OSBPL1A: variants seen among roughly 807,000 people sequenced by gnomAD.
The protein encoded by OSBPL1A is oxysterol-binding protein-related protein 1.
OSBPL1A carries 80 observed loss-of-function variants against 137.1 expected under a neutral mutation model. That is an observed-to-expected ratio of 0.58 (90% CI 0.49 to 0.70). OSBPL1A has a LOEUF of 0.70. Ranked by LOEUF, OSBPL1A falls within the 30% of genes least tolerant of loss-of-function variation. The pLI is 0.00. For synonymous variants in OSBPL1A, 365 were observed against 389.7 expected (o/e 0.94, Z 0.75); for missense variants, 970 against 1,129.4 (o/e 0.86, Z 2.02).
chr18:24,334,647 G>T (rs933709364), intron 5 of OSBPL1A, among the ~76,000 whole-genome samples: 14 of 152,182 alleles, frequency 9.2e-5, no homozygotes, highest in African/African-American at 3.4e-4. Context: ...GGTAAGTGGG[G>T]TTCATACCTT....
At position 24,366,923 on chromosome 18, in the gene OSBPL1A, G is replaced by A. The variant is rs574476197; in HGVS notation, c.251C>T (p.Pro84Leu). Reference sequence around the variant, plus strand: ...TCCTGTAAAGGCAGCTCGATGAAGCGGCGTGTCTCCCATGTCATTCAACAC... The same window carrying A: ...TCCTGTAAAGGCAGCTCGATGAAGCAGCGTGTCTCCCATGTCATTCAACAC... ...VNVLNDMGDT[P>L]LHRAAFTGRK... Residue 84 changes from proline to leucine, a missense_variant, in exon 4 of 28, where the codon CCG becomes CTG. Around this residue, in one of 2 missense-constraint regions of OSBPL1A, gnomAD observed 647 missense variants for 672.6 expected, o/e 0.96. Coordinates refer to ENST00000319481, the MANE Select transcript of OSBPL1A (RefSeq NM_080597.4). 8.1e-6 allele frequency: 13 copies of A among 1,611,352 alleles called. No individual in the cohort carries two copies. The Admixed American group carries it at 1.0e-4, about 12-fold the overall frequency.
Position 24,377,415 on chromosome 18 carries a change from T to C in OSBPL1A, c.119A>G (p.Lys40Arg). 1 of 1,604,910 alleles carries C rather than the reference T, an allele frequency of 6.2e-7. No individual in the cohort carries two copies. Residue 40 changes from lysine to arginine, a missense_variant and splice_region_variant, in exon 2 of 28, where the codon AAA becomes AGA. Physicochemically the swap from Lys to Arg is conservative, Grantham distance 26. Around this residue, in one of 2 missense-constraint regions of OSBPL1A, gnomAD observed 647 missense variants for 672.6 expected, o/e 0.96. Coordinates refer to ENST00000319481, the MANE Select transcript of OSBPL1A (RefSeq NM_080597.4). ...RNEVIADINC[K>R]GRSKSNLGWT... ...TACAAAATCCATTCAAAGTTTACCT[T>C]TGCAATTAATGTCAGCAATCACTTC...
At chr18:24,354,770 A>AAG (rs2091503458) in intron 4 of OSBPL1A, among the ~76,000 whole-genome samples, 1 of 148,724 alleles carries the variant, frequency 6.7e-6, no homozygotes, top group South Asian at 2.1e-4. Context: ...AAAAAAAAAA[A>AAG]AAAGAAAGAA....
rs1411352161 is a variant in OSBPL1A at position 24,239,371 on chromosome 18, A to G, written c.1293T>C (p.Phe431=). 1.1e-5 allele frequency: 18 copies of G among 1,613,574 alleles called. No individual in the cohort carries two copies. The highest frequency in any genetic ancestry group is 1.5e-5 in the Non-Finnish European group (18 of 1,179,826). ...LFTKQEGVRN[F]KLEQEQEKNK... ...TTTTTTCTTGCTCTTGTTCCAATTT[A>G]AAATTCCTCACCTAGAAGAAAACAG... Residue 431 remains phenylalanine (F), a synonymous_variant, in exon 16 of 28, where the codon TTT becomes TTC. Transcript: ENST00000319481.
chr18:24,187,584 T>C (rs1347555513), intron 18 of OSBPL1A, among the ~76,000 whole-genome samples: 1 of 152,158 alleles, frequency 6.6e-6, no homozygotes. Flanking sequence ...GATGAATTCA[T>C]TCATATAAAG....
chr18:24,260,230 G>A (rs553279636), intron 15 of OSBPL1A, among the ~76,000 whole-genome samples: 50 of 152,234 alleles, frequency 3.3e-4, no homozygotes, highest in Admixed American at 1.0e-3. Flanking sequence ...AATGTAAAAC[G>A]TCAGCCACTG....
At chr18:24,359,919 A>G (rs2091596224) in intron 4 of OSBPL1A, among the ~76,000 whole-genome samples, 1 of 152,126 alleles carries the variant, frequency 6.6e-6, no homozygotes, top group African/African-American at 2.4e-5. Context: ...ATGTACCAAG[A>G]AAAGCCCAAA....
intron 4 of OSBPL1A, among the ~76,000 whole-genome samples, chr18:24,356,622 T>G (rs1042565238): frequency 4.6e-5 from 7 of 152,178 alleles, no homozygotes; most frequent in African/African-American, 1.7e-4. Flanking sequence ...CACACTTAGT[T>G]GTTGGTACAA....
rs922966188 is a variant in OSBPL1A at position 24,392,516 on chromosome 18, C to T, written c.-3+5139G>A. On this transcript the variant is annotated intron_variant, in intron 1 of 27. Transcript: ENST00000319481. Reference sequence around the variant, plus strand: ...CAAAAATTATTAAAAATATATGTTGCGATTAGTTTTTAAATTCTCAGATAC... The same window carrying T: ...CAAAAATTATTAAAAATATATGTTGTGATTAGTTTTTAAATTCTCAGATAC... Among the ~76,000 whole-genome samples the T allele has an allele frequency of 2.0e-4, 30 of 151,850 alleles. 1 individual carries two copies. Among genetic ancestry groups the T allele is most frequent in the African/African-American group, 6.8e-4 (28 of 41,316 alleles).
intron 15 of OSBPL1A, among the ~76,000 whole-genome samples, chr18:24,278,989 G>A (rs756790381): frequency 1.3e-5 from 2 of 152,096 alleles, no homozygotes; most frequent in African/African-American, 2.4e-5. Context: ...GTTTTCCTGT[G>A]ATAGTTAATA....
At chr18:24,338,839 G>A (rs2091225893) in intron 5 of OSBPL1A, among the ~76,000 whole-genome samples, 1 of 151,958 alleles carries the variant, frequency 6.6e-6, no homozygotes, top group South Asian at 2.1e-4. Flanking sequence ...TCACCCTCCT[G>A]AGTAGCTGGG....
intron 1 of OSBPL1A, among the ~76,000 whole-genome samples, chr18:24,384,991 G>C (rs1906853632): frequency 6.8e-6 from 1 of 146,930 alleles, no homozygotes; most frequent in South Asian, 2.1e-4. Context: ...GTCTTGCTCT[G>C]TTGGCCAGGC....
Position 24,320,451 on chromosome 18 carries a change from G to C in OSBPL1A, c.626-1642C>G, listed in dbSNP as rs76520595. On this transcript the variant is annotated intron_variant, in intron 7 of 27. Coordinates refer to ENST00000319481, the MANE Select transcript of OSBPL1A (RefSeq NM_080597.4). ...GGCCTCTTTGAGGAAGGGATGTCTA[G>C]GTTGAAAAGAAGGATCCAGCCTTGT... is the stretch of plus-strand genomic sequence containing the variant. Among the ~76,000 whole-genome samples the C allele has an allele frequency of 7.4e-3, 1,126 of 152,248 alleles. 20 individuals carry two copies. The highest frequency in any genetic ancestry group is 0.025 in the African/African-American group (1,057 of 41,536).
At chr18:24,250,927 A>G (rs2089069048) in intron 15 of OSBPL1A, among the ~76,000 whole-genome samples, 1 of 152,160 alleles carries the variant, frequency 6.6e-6, no homozygotes, top group South Asian at 2.1e-4. Context: ...AAGCTGATGA[A>G]AGAGCCCTTG....
In OSBPL1A at chr18:24,311,984, C is replaced by G. The variant is rs764999757; in HGVS notation, c.1092G>C (p.Glu364Asp). 2 of 1,613,822 alleles carry G rather than the reference C, an allele frequency of 1.2e-6. No homozygotes were observed. The highest frequency in any genetic ancestry group is 1.7e-6 in the Non-Finnish European group (2 of 1,179,888). Residue 364 changes from glutamate to aspartate, a missense_variant and splice_region_variant, in exon 13 of 28, where the codon GAG becomes GAC. Physicochemically the swap from Glu to Asp is conservative, Grantham distance 45. This residue lies in a region of OSBPL1A where 647 missense variants were observed against 672.6 expected (regional missense o/e 0.96). Transcript: ENST00000319481. ...GGTCAGGTTACATTTTCCTATTTAC[C>G]TCTAATGATTTCTTCAGGTCTGCAG... ...VSAADLKKSL[E>D]KAQSCQQRLD... is the part of the protein sequence containing the mutation.
At chr18:24,188,464 T>G (rs1002649954) in intron 18 of OSBPL1A, among the ~76,000 whole-genome samples, 2 of 152,274 alleles carry the variant, frequency 1.3e-5, no homozygotes, top group African/African-American at 4.8e-5. Context: ...GATTTATTTT[T>G]TAATCATTTG....
chr18:24,236,290 A>G (rs1398454448), intron 16 of OSBPL1A, among the ~76,000 whole-genome samples: 3 of 152,158 alleles, frequency 2.0e-5, no homozygotes, highest in African/African-American at 7.2e-5. Context: ...GAGAAGTCAC[A>G]AGGAGACAGG....
intron 7 of OSBPL1A, among the ~76,000 whole-genome samples, chr18:24,319,065 A>G (rs895909090): frequency 6.6e-6 from 1 of 152,222 alleles, no homozygotes; most frequent in East Asian, 1.9e-4. Flanking sequence ...TGGCTTAAAC[A>G]ATACAAATTT....
chr18:24,225,208 A>T lies in OSBPL1A; in HGVS notation c.1445-10T>A, dbSNP rs970690279. On this transcript the variant is annotated splice_polypyrimidine_tract_variant and intron_variant, in intron 16 of 27. Coordinates refer to ENST00000319481, the MANE Select transcript of OSBPL1A (RefSeq NM_080597.4). ...CTTTCGGACTCGGAATCTGTGGCAG[A>T]GCAGGTTCATAGTTAATGAATTGAA... 2 of 1,613,990 alleles carry T rather than the reference A, an allele frequency of 1.2e-6. No homozygotes were observed. The highest frequency in any genetic ancestry group is 2.7e-5 in the African/African-American group (2 of 75,046).
Sources: allele counts gnomAD v4.1 joint callset (sites outside exome capture counted in the v4.1 genomes callset), GRCh38; gene constraint gnomAD v4.1.1; regional missense constraint gnomAD v4.1.1; transcripts MANE v1.5; gene names NCBI Gene and HGNC (gene_info 2026-07-23, HGNC 2026-07-21).